The following TENM4 variants were observed in gnomAD, a reference collection of about 807,000 sequenced individuals.
The protein encoded by TENM4 is teneurin-4.
A neutral mutation model predicts 243.3 loss-of-function variants in TENM4; 82 were observed. That is an observed-to-expected ratio of 0.34 (90% CI 0.28 to 0.40). The LOEUF is 0.40. TENM4 is among the 10% of genes least tolerant of loss of function. TENM4 has a pLI of 1.00. For synonymous variants in TENM4, 1,412 were observed against 1,456.3 expected, an observed-to-expected ratio of 0.97 and a Z score of 0.69; for missense variants, 3,138 against 3,673.3, an observed-to-expected ratio of 0.85 and a Z score of 3.77.
intron 6 of TENM4, among the ~76,000 whole-genome samples, chr11:79,045,778 G>A (rs758559979): frequency 6.7e-6 from 1 of 148,998 alleles, no homozygotes; most frequent in Non-Finnish European, 1.5e-5. Flanking sequence ...CCTTATCTTA[G>A]TGGGAAGAAA....
intron 28 of TENM4, among the ~76,000 whole-genome samples, chr11:78,696,433 T>C (rs1858964261): frequency 6.6e-6 from 1 of 152,196 alleles, no homozygotes. Context: ...TCTTGCCCTT[T>C]TGTACGTTCA....
chr11:79,125,398 T>C (rs878944427), intron 4 of TENM4, among the ~76,000 whole-genome samples: 1 of 152,186 alleles, frequency 6.6e-6, no homozygotes, highest in African/African-American at 2.4e-5. Flanking sequence ...ATGAGAGTCT[T>C]ATCTCCTGCA....
intron 7 of TENM4, among the ~76,000 whole-genome samples, chr11:78,899,785 A>G (rs903210742): frequency 6.6e-6 from 1 of 152,116 alleles, no homozygotes; most frequent in Non-Finnish European, 1.5e-5. Context: ...TGATCTCTGC[A>G]CATACTGGCT....
intron 6 of TENM4, among the ~76,000 whole-genome samples, chr11:78,942,011 G>A (rs1293782188): frequency 6.6e-6 from 1 of 151,528 alleles, no homozygotes; most frequent in African/African-American, 2.4e-5. Context: ...TCTGGGGCAG[G>A]GGTGTCCAAT....
chr11:79,169,638 C>T (rs551603242), intron 3 of TENM4, among the ~76,000 whole-genome samples: 68 of 152,108 alleles, frequency 4.5e-4, no homozygotes, highest in Non-Finnish European at 7.6e-4. Flanking sequence ...GTGACCCCCT[C>T]CCCCCAAAAA....
chr11:79,139,074 T>TATATAAAAC (rs1367687435), intron 4 of TENM4, among the ~76,000 whole-genome samples: 3,443 of 33,554 alleles, frequency 0.1, 641 homozygotes, highest in African/African-American at 0.19. Flanking sequence ...TTTCTATAAA[T>TATATAAAAC]ATATATTATA....
intron 1 of TENM4, among the ~76,000 whole-genome samples, chr11:79,319,969 T>G (rs1856861152): frequency 1.3e-5 from 2 of 152,216 alleles, no homozygotes. Flanking sequence ...GTGATTAATT[T>G]GGCTGCAGTG....
At chr11:79,401,202 C>T (rs542139277) in intron 1 of TENM4, among the ~76,000 whole-genome samples, 21 of 152,284 alleles carry the variant, frequency 1.4e-4, no homozygotes, top group South Asian at 8.3e-4. Context: ...TCCCTCTCTT[C>T]CTTTAAAGAA....
intron 2 of TENM4, among the ~76,000 whole-genome samples, chr11:79,253,297 T>C (rs755622725): frequency 4.6e-5 from 7 of 152,132 alleles, no homozygotes; most frequent in African/African-American, 7.2e-5. Flanking sequence ...AGCAAACTCA[T>C]CAATGTTCCC....
intron 10 of TENM4, among the ~76,000 whole-genome samples, chr11:78,860,352 G>A (rs1041688278): frequency 4.6e-5 from 7 of 152,306 alleles, no homozygotes; most frequent in African/African-American, 2.4e-5. Context: ...TGCAGTAAGT[G>A]CCATAAGTTA....
chr11:78,693,655 C>A (rs1858883374), intron 28 of TENM4, among the ~76,000 whole-genome samples: 1 of 152,148 alleles, frequency 6.6e-6, no homozygotes, highest in African/African-American at 2.4e-5. Flanking sequence ...TATTTCCTCC[C>A]ACTGATTTTT....
chr11:79,232,672 A>G lies in TENM4; in HGVS notation c.-264-16763T>C, dbSNP rs533498012. ...CTAATATTCAAGACACATTGTGTCCAGAACACAGGGAGAATATAAAGGAAT... is the reference window on the plus strand; with the variant it reads ...CTAATATTCAAGACACATTGTGTCCGGAACACAGGGAGAATATAAAGGAAT... On this transcript the variant is annotated intron_variant, in intron 2 of 33. Transcript: ENST00000278550. Among the ~76,000 whole-genome samples the G allele has an allele frequency of 3.9e-5, 6 of 152,392 alleles. No individual in the cohort carries two copies. In the South Asian group the frequency reaches 1.2e-3, roughly 32 times the overall value.
rs1858150887 is a variant in TENM4, at chr11:79,387,902, G to A, written c.-321+52607C>T. Reference sequence around the variant, plus strand: ...TGCTTGTGGTCCCAGCTCCTTGTGTGGCTGAGGTGGAAGGATTGCTTGAGC... The same window carrying A: ...TGCTTGTGGTCCCAGCTCCTTGTGTAGCTGAGGTGGAAGGATTGCTTGAGC... On this transcript the variant is annotated intron_variant, in intron 1 of 33. Transcript: ENST00000278550. Among the ~76,000 whole-genome samples, 3 of 152,342 alleles carry A rather than the reference G, an allele frequency of 2.0e-5. 1 individual carries two copies. In the Middle Eastern group the frequency reaches 0.01, roughly 518 times the overall value.
chr11:78,928,340 C>T (rs535293519), intron 6 of TENM4, among the ~76,000 whole-genome samples: 1 of 152,294 alleles, frequency 6.6e-6, no homozygotes, highest in East Asian at 1.9e-4. Flanking sequence ...CACCGCCACC[C>T]CATGGTCTTA....
intron 2 of TENM4, among the ~76,000 whole-genome samples, chr11:79,262,077 G>A (rs1855807729): frequency 6.6e-6 from 1 of 152,212 alleles, no homozygotes; most frequent in African/African-American, 2.4e-5. Context: ...AGAGCTAGGA[G>A]TCTGAAGTTT....
intron 6 of TENM4, among the ~76,000 whole-genome samples, chr11:78,988,788 C>T (rs1030650539): frequency 2.0e-5 from 3 of 152,258 alleles, no homozygotes; most frequent in African/African-American, 7.2e-5. Context: ...AATCCTCTCA[C>T]CTCAGCCCCC....
intron 15 of TENM4, among the ~76,000 whole-genome samples, chr11:78,789,394 T>G (rs976641492): frequency 1.3e-5 from 2 of 152,188 alleles, no homozygotes; most frequent in Non-Finnish European, 2.9e-5. Context: ...AGACAAACAC[T>G]TGGGCTTGCC....
chr11:78,765,190 C>T (rs1856518186), intron 18 of TENM4, among the ~76,000 whole-genome samples: 1 of 152,206 alleles, frequency 6.6e-6, no homozygotes, highest in Admixed American at 6.5e-5. Context: ...TGGAATGTGT[C>T]TCCCCTTCTG....
At chr11:79,155,523 C>T (rs11237732) in intron 3 of TENM4, among the ~76,000 whole-genome samples, 4,823 of 152,156 alleles carry the variant, frequency 0.032, 112 homozygotes, top group Non-Finnish European at 0.045. Context: ...CAGAGTGCTC[C>T]GGAAACCTGC....
Sources: gnomAD v4.1 joint callset for allele counts (sites outside exome capture counted in the v4.1 genomes callset) on GRCh38, gnomAD v4.1.1 for gene constraint, MANE v1.5 for transcripts, NCBI Gene and HGNC (gene_info 2026-07-23, HGNC 2026-07-21) for gene names.